The following FSTL5 variants were observed in gnomAD, a reference collection of about 807,000 sequenced individuals.
The protein encoded by FSTL5 is follistatin like 5.
FSTL5 carries 62 observed loss-of-function variants against 89.1 expected under a neutral mutation model. The ratio of observed to expected loss-of-function variants is 0.70; its 90% CI spans 0.57 to 0.86. FSTL5 has a LOEUF of 0.86. Ranked by LOEUF, FSTL5 falls within the 40% of genes least tolerant of loss-of-function variation. The pLI is 0.00. For synonymous variants in FSTL5, 383 were observed against 346.2 expected (o/e 1.11, Z -1.18); for missense variants, 1,057 against 1,001.6 (o/e 1.06, Z -0.75).
At chr4:161,649,698 A>T (rs1422543764) in intron 7 of FSTL5, among the ~76,000 whole-genome samples, 1 of 152,226 alleles carries the variant, frequency 6.6e-6, no homozygotes, top group African/African-American at 2.4e-5. Context: ...TTTGTAACAG[A>T]ATGCTGAGTA....
At chr4:161,682,981 G>A (rs28675725) in intron 6 of FSTL5, among the ~76,000 whole-genome samples, 80,718 of 151,900 alleles carry the variant, frequency 0.53, 25,012 homozygotes, top group East Asian at 0.7. Flanking sequence ...TCCTGACCTC[G>A]TGATCCACCC....
At chr4:161,699,595 C>T (rs1738303664) in intron 6 of FSTL5, among the ~76,000 whole-genome samples, 1 of 152,140 alleles carries the variant, frequency 6.6e-6, no homozygotes, top group South Asian at 2.1e-4. Context: ...AACTATAAGA[C>T]ACACATTAAT....
At chr4:162,019,239 A>C (rs1046447172) in intron 3 of FSTL5, among the ~76,000 whole-genome samples, 1 of 152,116 alleles carries the variant, frequency 6.6e-6, no homozygotes, top group Non-Finnish European at 1.5e-5. Context: ...TAATCACGAT[A>C]TATGTATGCT....
chr4:161,865,289 G>T (rs1374616760), intron 4 of FSTL5, among the ~76,000 whole-genome samples: 1 of 152,130 alleles, frequency 6.6e-6, no homozygotes, highest in Non-Finnish European at 1.5e-5. Flanking sequence ...AGAAATAATT[G>T]TAAAAACTAT....
intron 6 of FSTL5, among the ~76,000 whole-genome samples, chr4:161,721,252 T>G (rs1429806957): frequency 1.7e-5 from 2 of 118,474 alleles, no homozygotes; most frequent in African/African-American, 6.3e-5. Flanking sequence ...CAGTCCGCAG[T>G]CCGGCCTGGG....
chr4:161,928,141 A>G (rs994405833), intron 3 of FSTL5, among the ~76,000 whole-genome samples: 29 of 151,866 alleles, frequency 1.9e-4, no homozygotes, highest in Admixed American at 1.2e-3. Context: ...AGAATATCAT[A>G]AAGTTGGAAT....
intron 10 of FSTL5, among the ~76,000 whole-genome samples, chr4:161,514,879 A>C (rs1730763793): frequency 6.6e-6 from 1 of 152,088 alleles, no homozygotes; most frequent in Non-Finnish European, 1.5e-5. Context: ...CTTCTGTAAG[A>C]ATAAGATGCA....
intron 1 of FSTL5, among the ~76,000 whole-genome samples, chr4:162,156,628 A>C (rs1289033309): frequency 6.6e-6 from 1 of 152,194 alleles, no homozygotes; most frequent in Non-Finnish European, 1.5e-5. Context: ...TATCCTAAGC[A>C]AATTAACACA....
At chr4:161,782,860 T>C (rs985465931) in intron 4 of FSTL5, among the ~76,000 whole-genome samples, 1 of 152,204 alleles carries the variant, frequency 6.6e-6, no homozygotes, top group Non-Finnish European at 1.5e-5. Flanking sequence ...AGAATTTCAA[T>C]AAAGATGTTC....
chr4:162,077,810 A>G lies in FSTL5; in HGVS notation c.126+33461T>C, dbSNP rs866419041. On this transcript the variant is annotated intron_variant, in intron 2 of 15. Coordinates refer to ENST00000306100, the MANE Select transcript of FSTL5 (RefSeq NM_020116.5). The stretch of plus-strand genomic sequence containing the variant: ...TTTATTAACCAAAATAAAACTCAAC[A>G]GTGTCCTAAATTAATTAATACTGAG... Among the ~76,000 whole-genome samples the G allele has an allele frequency of 2.0e-5, 3 of 151,846 alleles. No homozygotes were observed. The South Asian group carries it at 6.2e-4, about 31-fold the overall frequency.
chr4:162,145,239 T>A (rs1371490416), intron 1 of FSTL5, among the ~76,000 whole-genome samples: 1 of 151,984 alleles, frequency 6.6e-6, no homozygotes, highest in African/African-American at 2.4e-5. Context: ...AAAGGAAATA[T>A]CTAAATTATC....
At chr4:161,534,725 T>C (rs72685728) in intron 10 of FSTL5, among the ~76,000 whole-genome samples, 11,292 of 152,074 alleles carry the variant, frequency 0.074, 536 homozygotes, top group Middle Eastern at 0.16. Flanking sequence ...GAAAAATCTA[T>C]CCTCAAATTC....
chr4:161,542,409 A>G, intron 9 of FSTL5, 123 bp downstream of exon 9: 1 of 509,080 alleles, frequency 2.0e-6, no homozygotes, highest in Non-Finnish European at 3.2e-6. Context: ...ATTTTTTTTC[A>G]TATTTGTGAC....
At chr4:161,752,224 G>A (rs1222726297) in intron 6 of FSTL5, among the ~76,000 whole-genome samples, 1 of 125,102 alleles carries the variant, frequency 8.0e-6, no homozygotes, top group Non-Finnish European at 1.6e-5. Context: ...ATGATAGATG[G>A]ACAGATAGAT....
chr4:162,096,640 A>C (rs2111371269), intron 2 of FSTL5, among the ~76,000 whole-genome samples: 1 of 151,994 alleles, frequency 6.6e-6, no homozygotes, highest in Middle Eastern at 3.4e-3. Context: ...AACTCGACTA[A>C]TGTGTGTTCT....
intron 15 of FSTL5, among the ~76,000 whole-genome samples, chr4:161,431,448 TA>T (rs113353224): frequency 0.013 from 1,763 of 132,688 alleles, 19 homozygotes; most frequent in African/African-American, 0.033. Flanking sequence ...TAACCTCAAA[TA>T]AAAAAAAAAA....
At chr4:161,794,351 C>T (rs1205706515) in intron 4 of FSTL5, among the ~76,000 whole-genome samples, 3 of 152,076 alleles carry the variant, frequency 2.0e-5, no homozygotes, top group Admixed American at 6.5e-5. Flanking sequence ...GACATTAGTT[C>T]GGGTGTTAAA....
At chr4:162,060,498 A>T (rs1738687113) in intron 2 of FSTL5, among the ~76,000 whole-genome samples, 1 of 152,062 alleles carries the variant, frequency 6.6e-6, no homozygotes, top group Non-Finnish European at 1.5e-5. Context: ...AACATTTTTA[A>T]AAAACTATTA....
At position 161,385,767 on chromosome 4, in the gene FSTL5, T is replaced by C. The variant is rs1357801147; in HGVS notation, c.2524A>G (p.Ile842Val). 6.2e-7 allele frequency: 1 copy of C among 1,602,924 alleles called. No individual in the cohort carries two copies. The highest frequency in any genetic ancestry group is 8.5e-7 in the Non-Finnish European group (1 of 1,175,564). ...GGTTTTTAGGCATCTCCAACCCAAA[T>C]GACTGTATTTCCTTTTTCAACTTCA... ...ITEVEKGNTV[I>V]WVGDA The change falls in exon 16 of 16, where the codon ATT becomes GTT. Residue 842 changes from isoleucine to valine, a missense_variant. By Grantham distance (29) the Ile-to-Val change is conservative (BLOSUM62 3). Transcript: ENST00000306100.
Sources: gnomAD v4.1 joint callset for allele counts (sites outside exome capture counted in the v4.1 genomes callset) on GRCh38, gnomAD v4.1.1 for gene constraint, MANE v1.5 for transcripts, NCBI Gene and HGNC (gene_info 2026-07-23, HGNC 2026-07-21) for gene names.